Variants in AGMO observed in about 807,000 individuals in gnomAD.
AGMO encodes alkylglycerol monooxygenase, also known as glyceryl-ether monooxygenase.
Under a neutral mutation model 60.2 loss-of-function variants are expected in AGMO, and 75 were observed. That is an observed-to-expected ratio of 1.25 (90% confidence interval 1.03 to 1.51). The LOEUF (loss-of-function observed/expected upper bound fraction) is 1.51. Among genes scored for constraint, AGMO ranks in the 40% most tolerant of loss-of-function variants. The pLI is 0.00. For missense variants in AGMO, 763 were observed against 525.5 expected (o/e 1.45, Z -4.42); for synonymous variants, 261 against 177.1 (o/e 1.47, Z -3.76).
At chr7:15,455,981 T>A (rs1196406395) in intron 3 of AGMO, among the ~76,000 whole-genome samples, 1 of 152,136 alleles carries the variant, frequency 6.6e-6, no homozygotes, top group Non-Finnish European at 1.5e-5. Context: ...CATTTTTTTA[T>A]GATATCCTGC....
intron 5 of AGMO, among the ~76,000 whole-genome samples, chr7:15,402,595 T>C (rs1374764804): frequency 6.8e-6 from 1 of 147,054 alleles, no homozygotes; most frequent in Non-Finnish European, 1.5e-5. Context: ...TTATTAAATA[T>C]ATTTATCATT....
In AGMO at chr7:15,450,480, AT is replaced by A. The variant is rs530533454; in HGVS notation, c.410-19373del. On this transcript the variant is annotated intron_variant, in intron 3 of 12. Transcript: ENST00000342526. ...TTAATTAAATTTACTGAAAATATTA[AT>A]TTTTCCTTAACATATTTATGCTAGT... Among the ~76,000 whole-genome samples the A allele has an allele frequency of 6.4e-3, 967 of 152,208 alleles. 6 individuals are homozygous for A. Among genetic ancestry groups the A allele is most frequent in the African/African-American group, 0.022 (931 of 41,516 alleles).
At chr7:15,426,551 C>T (rs1251263826) in intron 4 of AGMO, among the ~76,000 whole-genome samples, 6 of 152,068 alleles carry the variant, frequency 3.9e-5, no homozygotes, top group Non-Finnish European at 8.8e-5. Flanking sequence ...CAGTTGAAGT[C>T]CAGCCTGGGC....
At chr7:15,267,765 A>G (rs899766113) in intron 12 of AGMO, among the ~76,000 whole-genome samples, 1 of 151,966 alleles carries the variant, frequency 6.6e-6, no homozygotes, top group Non-Finnish European at 1.5e-5. Flanking sequence ...AGCTGAAGGG[A>G]AAAACTTGTA....
At chr7:15,157,517 T>C in the AGMO span, among the ~76,000 whole-genome samples, 1 of 152,194 alleles carries the variant, frequency 6.6e-6, no homozygotes, top group Admixed American at 6.5e-5. Context: ...CGTCCCACTC[T>C]CTTTTTGCCA....
At chr7:15,547,559 C>G (rs1161793479) in intron 2 of AGMO, among the ~76,000 whole-genome samples, 1 of 152,036 alleles carries the variant, frequency 6.6e-6, no homozygotes, top group Non-Finnish European at 1.5e-5. Flanking sequence ...GGGTGACAGA[C>G]GCACCTGGAA....
rs148868958 is a variant in AGMO at position 15,422,267 on chromosome 7, T to C, written c.514-3614A>G. ...AAAACAATGGATGAGGGAGGAGATA[T>C]TACCTGTTTATTTTTTTTTAATGTG... On this transcript the variant is annotated intron_variant, in intron 4 of 12. Coordinates refer to ENST00000342526, the MANE Select transcript of AGMO (RefSeq NM_001004320.2). Among the ~76,000 whole-genome samples the C allele has an allele frequency of 2.1e-3, 319 of 150,758 alleles. 1 individual carries two copies. The highest frequency in any genetic ancestry group is 7.3e-3 in the African/African-American group (295 of 40,490).
chr7:15,236,417 T>C (rs1006856024), intron 12 of AGMO, among the ~76,000 whole-genome samples: 1 of 152,156 alleles, frequency 6.6e-6, no homozygotes, highest in Non-Finnish European at 1.5e-5. Flanking sequence ...TTAACAAATA[T>C]GTCAGTAACA....
At chr7:15,130,455 T>C in the AGMO span, among the ~76,000 whole-genome samples, 1 of 152,018 alleles carries the variant, frequency 6.6e-6, no homozygotes, top group Non-Finnish European at 1.5e-5. Flanking sequence ...CACTCCTCAC[T>C]CTCCACTCAG....
chr7:15,321,625 C>T (rs1331359795), intron 12 of AGMO, among the ~76,000 whole-genome samples: 1 of 151,698 alleles, frequency 6.6e-6, no homozygotes, highest in Non-Finnish European at 1.5e-5. Context: ...TTTAATAGTG[C>T]AAGATTTAAA....
chr7:15,506,109 A>G (rs978161144), intron 3 of AGMO, among the ~76,000 whole-genome samples: 1 of 152,102 alleles, frequency 6.6e-6, no homozygotes, highest in African/African-American at 2.4e-5. Flanking sequence ...ATTCAAAAGT[A>G]GAGTCAAATT....
intron 12 of AGMO, among the ~76,000 whole-genome samples, chr7:15,295,818 T>C (rs1784390175): frequency 6.6e-6 from 1 of 152,138 alleles, no homozygotes; most frequent in Admixed American, 6.6e-5. Context: ...AGAAATGCAA[T>C]GCTCAACGCA....
chr7:15,135,979 C>CTTTTTTTTTTTTTTTTTTTTTGTT, the AGMO span, among the ~76,000 whole-genome samples: 17 of 106,870 alleles, frequency 1.6e-4, no homozygotes, highest in Non-Finnish European at 2.7e-4. Flanking sequence ...TTTTTCTTTT[C>CTTTTTTTTTTTTTTTTTTTTTGTT]TTTTTTTTTT....
At chr7:15,135,979 C>CTTTTTTTTTTTTTTTTTTTTTTTTTTTT in the AGMO span, among the ~76,000 whole-genome samples, 19 of 106,860 alleles carry the variant, frequency 1.8e-4, no homozygotes, top group East Asian at 8.7e-4. Context: ...TTTTTCTTTT[C>CTTTTTTTTTTTTTTTTTTTTTTTTTTTT]TTTTTTTTTT....
chr7:15,141,877 C>T, the AGMO span, among the ~76,000 whole-genome samples: 1 of 152,252 alleles, frequency 6.6e-6, no homozygotes, highest in Non-Finnish European at 1.5e-5. Context: ...CTAGGATTCT[C>T]ACTCTGCCAG....
In AGMO at chr7:15,286,714, C is replaced by G. The variant is rs1784110604; in HGVS notation, c.1263+78800G>C. 2.0e-5 allele frequency among the ~76,000 whole-genome samples: 3 copies of G among 152,080 alleles called. No homozygotes were observed. In the South Asian group the frequency reaches 6.2e-4, roughly 32 times the overall value. On this transcript the variant is annotated intron_variant, in intron 12 of 12. Transcript: ENST00000342526. ...GATCTAGCATTGTATCCAGCAATCC[C>G]ACTACTGGGTATCTCTCCAAAGGAA...
chr7:15,232,156 G>C (rs1232425624), intron 12 of AGMO, among the ~76,000 whole-genome samples: 1 of 152,072 alleles, frequency 6.6e-6, no homozygotes, highest in South Asian at 2.1e-4. Context: ...TCTTTTCAAT[G>C]CAAGAAATCT....
intron 12 of AGMO, among the ~76,000 whole-genome samples, chr7:15,322,685 TAAATATATGAATATGTATA>T (rs1781197856): frequency 1.2e-5 from 1 of 84,974 alleles, no homozygotes; most frequent in African/African-American, 6.9e-5. Flanking sequence ...TATGTATATA[TAAATATATGAATATGTATA>T]AATATATATA....
chr7:15,335,627 C>T (rs562841406), intron 12 of AGMO, among the ~76,000 whole-genome samples: 3 of 152,076 alleles, frequency 2.0e-5, no homozygotes, highest in African/African-American at 4.8e-5. Context: ...TATATACTAG[C>T]GAAGGCCACT....
Sources: gnomAD v4.1 joint callset for allele counts (sites outside exome capture counted in the v4.1 genomes callset) on GRCh38, gnomAD v4.1.1 for gene constraint, MANE v1.5 for transcripts, NCBI Gene and HGNC (gene_info 2026-07-23, HGNC 2026-07-21) for gene names.